The following TENM3 variants were observed in gnomAD, a reference collection of about 807,000 sequenced individuals.
TENM3 encodes the protein teneurin transmembrane protein 3.
In TENM3, 63 loss-of-function variants were observed where a neutral mutation model predicts 255.1. The observed-to-expected ratio is 0.25, with a 90% confidence interval of 0.20 to 0.30. The LOEUF (loss-of-function observed/expected upper bound fraction) is 0.30. Ranked by LOEUF, TENM3 falls within the 10% of genes least tolerant of loss-of-function variation. TENM3 has a pLI of 1.00. For missense variants in TENM3, 2,929 were observed against 3,461.1 expected (o/e 0.85, Z 3.86); for synonymous variants, 1,306 against 1,322.3 (o/e 0.99, Z 0.27).
intron 3 of TENM3, among the ~76,000 whole-genome samples, chr4:182,358,880 T>G (rs1765747515): frequency 6.6e-6 from 1 of 151,624 alleles, no homozygotes; most frequent in Non-Finnish European, 1.5e-5. Context: ...CTTATTATTT[T>G]GAGATACGTC....
the TENM3 span, among the ~76,000 whole-genome samples, chr4:181,813,092 C>G: frequency 6.6e-6 from 1 of 152,178 alleles, no homozygotes; most frequent in African/African-American, 2.4e-5. Context: ...TGGATGCTGG[C>G]AAGTCCAAGA....
chr4:181,463,214 A>G, the TENM3 span, among the ~76,000 whole-genome samples: 1 of 152,132 alleles, frequency 6.6e-6, no homozygotes, highest in African/African-American at 2.4e-5. Flanking sequence ...CACAAATCCT[A>G]TCTATCAAAA....
chr4:181,965,025 T>C, the TENM3 span, among the ~76,000 whole-genome samples: 1 of 152,202 alleles, frequency 6.6e-6, no homozygotes, highest in East Asian at 1.9e-4. Flanking sequence ...AACCTAAAAC[T>C]TGAAAGTAAA....
intron 1 of TENM3, among the ~76,000 whole-genome samples, chr4:182,151,686 A>C (rs1750367513): frequency 1.3e-5 from 2 of 152,042 alleles, no homozygotes; most frequent in Non-Finnish European, 2.9e-5. Context: ...ACAAAACAAA[A>C]AAACGAAGAA....
chr4:182,774,952 C>T lies in TENM3; in HGVS notation c.5103C>T (p.Asp1701=), dbSNP rs369200143. 7 of 1,613,354 alleles carry T rather than the reference C, an allele frequency of 4.3e-6. No individual in the cohort carries two copies. The highest frequency in any genetic ancestry group is 5.9e-6 in the Non-Finnish European group (7 of 1,179,510). ...QLRNSYQIGY[D]GSLRIIYASG... is the part of the protein sequence containing the mutation. ...GAAACAGCTACCAGATTGGTTATGA[C>T]GGCTCCCTCAGAATTATCTACGCCA... Residue 1701 remains aspartate, a synonymous_variant, in exon 24 of 28, where the codon GAC becomes GAT. Transcript: ENST00000511685.
chr4:181,578,906 A>G, the TENM3 span, among the ~76,000 whole-genome samples: 1 of 152,148 alleles, frequency 6.6e-6, no homozygotes, highest in Admixed American at 6.5e-5. Flanking sequence ...TAGAATTTCA[A>G]TACAAACATT....
At chr4:182,523,560 C>T (rs1738805414) in intron 3 of TENM3, among the ~76,000 whole-genome samples, 1 of 152,060 alleles carries the variant, frequency 6.6e-6, no homozygotes, top group African/African-American at 2.4e-5. Flanking sequence ...CATAATATAG[C>T]ATAATATAAC....
rs75716817 is a variant in TENM3, at chr4:182,581,453, A to G, written c.512-19471A>G. On this transcript the variant is annotated intron_variant, in intron 3 of 27. Coordinates refer to ENST00000511685, the MANE Select transcript of TENM3 (RefSeq NM_001080477.4). ...TAATCCCTTAAGAATATTAGGAAAA[A>G]TAGGCCGGGTGCAGTGACTCACGCC... 5.7e-3 allele frequency among the ~76,000 whole-genome samples: 867 copies of G among 152,278 alleles called. 3 individuals carry two copies. The highest frequency in any genetic ancestry group is 0.02 in the African/African-American group (827 of 41,574).
the TENM3 span, among the ~76,000 whole-genome samples, chr4:181,629,730 C>T: frequency 2.0e-5 from 3 of 151,884 alleles, no homozygotes; most frequent in African/African-American, 4.8e-5. Flanking sequence ...CTGCTGGATT[C>T]GGTTTGCCAG....
the TENM3 span, among the ~76,000 whole-genome samples, chr4:181,602,667 A>T: frequency 6.6e-6 from 1 of 152,232 alleles, no homozygotes; most frequent in Non-Finnish European, 1.5e-5. Context: ...GCAGAATTGT[A>T]CTAGTTATTC....
chr4:181,579,941 T>A, the TENM3 span, among the ~76,000 whole-genome samples: 1 of 17,004 alleles, frequency 5.9e-5, no homozygotes, highest in South Asian at 5.6e-3. Flanking sequence ...ACAATTTTAT[T>A]TTATTTTATT....
chr4:181,682,212 C>T, the TENM3 span, among the ~76,000 whole-genome samples: 2 of 152,128 alleles, frequency 1.3e-5, no homozygotes, highest in African/African-American at 2.4e-5. Flanking sequence ...GAGTATCCTG[C>T]CACCGCCAAG....
intron 6 of TENM3, among the ~76,000 whole-genome samples, chr4:182,669,325 A>T (rs1318191046): frequency 1.3e-5 from 2 of 152,046 alleles, no homozygotes; most frequent in Non-Finnish European, 2.9e-5. Context: ...GCTGGAGTGC[A>T]GTGGCGCGAT....
At chr4:181,476,217 T>TTTG in the TENM3 span, among the ~76,000 whole-genome samples, 4 of 150,864 alleles carry the variant, frequency 2.7e-5, no homozygotes, top group Non-Finnish European at 4.4e-5. Flanking sequence ...TTTTTTTTTT[T>TTTG]TTTTTTTGAC....
chr4:181,851,170 A>T, the TENM3 span, among the ~76,000 whole-genome samples: 37 of 152,156 alleles, frequency 2.4e-4, no homozygotes, highest in Non-Finnish European at 4.7e-4. Context: ...TCTGAGGGCC[A>T]GTTTCCTCTG....
chr4:181,992,078 G>GA, the TENM3 span, among the ~76,000 whole-genome samples: 2 of 152,036 alleles, frequency 1.3e-5, no homozygotes, highest in South Asian at 2.1e-4. Context: ...TTAATTACAG[G>GA]AAAAATCGAT....
chr4:182,670,874 A>T (rs1319985884), intron 6 of TENM3, among the ~76,000 whole-genome samples: 1 of 152,216 alleles, frequency 6.6e-6, no homozygotes, highest in Non-Finnish European at 1.5e-5. Flanking sequence ...CAATTTACCC[A>T]TAATCAGTCT....
At chr4:181,927,001 T>C in the TENM3 span, among the ~76,000 whole-genome samples, 1 of 152,126 alleles carries the variant, frequency 6.6e-6, no homozygotes, top group Non-Finnish European at 1.5e-5. Flanking sequence ...ACTTTTCCCA[T>C]GGTCTTCGCA....
the TENM3 span, among the ~76,000 whole-genome samples, chr4:181,627,044 A>G: frequency 8.7e-3 from 1,330 of 152,258 alleles, 18 homozygotes; most frequent in African/African-American, 0.03. Flanking sequence ...TCCCTGCAGG[A>G]GAAACATGGA....
Sources: allele counts gnomAD v4.1 joint callset (sites outside exome capture counted in the v4.1 genomes callset), GRCh38; gene constraint gnomAD v4.1.1; transcripts MANE v1.5; gene names NCBI Gene and HGNC (gene_info 2026-07-23, HGNC 2026-07-21).